The following C20orf203 variants were observed in gnomAD, a reference collection of about 807,000 sequenced individuals.
C20orf203 encodes the protein uncharacterized protein C20orf203.
C20orf203 carries 16 observed loss-of-function variants against 15.9 expected under a neutral mutation model. The ratio of observed to expected loss-of-function variants is 1.01; its 90% CI spans 0.68 to 1.53. The LOEUF (loss-of-function observed/expected upper bound fraction) is 1.53, where lower values mean the gene tolerates loss of function less well. Ranked by LOEUF, C20orf203 falls within the 40% of genes most tolerant of loss-of-function variation. The pLI is 0.00. For synonymous variants in C20orf203, 98 were observed against 97.2 expected (o/e 1.01, Z -0.05); for missense variants, 263 against 247.5 (o/e 1.06, Z -0.42).
chr20:32,667,783 G>C (rs1983069382), intron 1 of C20orf203, among the ~76,000 whole-genome samples: 1 of 152,150 alleles, frequency 6.6e-6, no homozygotes, highest in African/African-American at 2.4e-5. Flanking sequence ...CAATTCTCTT[G>C]CCTCAGGCTC....
chr20:32,648,628 G>A (rs57692267), intron 4 of C20orf203, among the ~76,000 whole-genome samples: 65,654 of 140,488 alleles, frequency 0.47, 15,457 homozygotes, highest in African/African-American at 0.56. Flanking sequence ...TTGTGTGTGT[G>A]TTTTTAGTAG....
chr20:32,646,041 G>GT (rs943492265), intron 4 of C20orf203, among the ~76,000 whole-genome samples: 3 of 152,120 alleles, frequency 2.0e-5, no homozygotes, highest in African/African-American at 7.2e-5. Flanking sequence ...CAAATTCTGT[G>GT]TAAGTTGTGT....
intron 5 of C20orf203, among the ~76,000 whole-genome samples, 174 bp downstream of exon 5, chr20:32,640,391 CA>C (rs1982248762): frequency 6.6e-6 from 1 of 152,076 alleles, no homozygotes; most frequent in Non-Finnish European, 1.5e-5. Flanking sequence ...TCACCATAAT[CA>C]ACTTTAGAGC....
rs545022979 is a variant in C20orf203 at position 32,663,110 on chromosome 20, G to A, written c.-264+10522C>T. On this transcript the variant is annotated intron_variant, in intron 1 of 5. Transcript: ENST00000608990. ...ATTATAGGCGCCCACCACCATGCCC[G>A]GCTAATTTTTTGTATTTGTAGTAGA... 2.7e-3 allele frequency among the ~76,000 whole-genome samples: 415 copies of A among 151,812 alleles called. 1 individual carries two copies. The highest frequency in any genetic ancestry group is 9.7e-3 in the African/African-American group (401 of 41,442).
At chr20:32,645,951 G>T (rs1982414616) in intron 4 of C20orf203, among the ~76,000 whole-genome samples, 1 of 152,100 alleles carries the variant, frequency 6.6e-6, no homozygotes, top group African/African-American at 2.4e-5. Context: ...TTCCTCACTG[G>T]GTCACTTGGG....
At chr20:32,666,155 T>TAAAAAAAAAAAAAAAAAAAAAAAATA (rs147487671) in intron 1 of C20orf203, among the ~76,000 whole-genome samples, 5 of 102,778 alleles carry the variant, frequency 4.9e-5, no homozygotes, top group Non-Finnish European at 7.5e-5. Flanking sequence ...ATAAATAAAG[T>TAAAAAAAAAAAAAAAAAAAAAAAATA]AAAAAAAAAA....
chr20:32,642,550 G>A (rs1982313615), intron 4 of C20orf203, among the ~76,000 whole-genome samples: 1 of 152,244 alleles, frequency 6.6e-6, no homozygotes, highest in Admixed American at 6.5e-5. Context: ...TGTCCTTGGT[G>A]GCAGTAATCT....
At position 32,650,459 on chromosome 20, in the gene C20orf203, GGAGA is replaced by G; in HGVS notation, c.554_557del (p.Leu185ProfsTer122). The stretch of plus-strand genomic sequence containing the variant: ...AATTAAACAGCGACCGTGATGAATT[GGAGA>G]GAAACTGCTGCTTGCTAATTAAAGG... On this transcript the variant is annotated frameshift_variant, in exon 4 of 6. Transcript: ENST00000608990. LOFTEE classifies it high-confidence loss of function. The G allele has an allele frequency of 8.4e-6, 13 of 1,550,526 alleles. No individual in the cohort carries two copies. Among genetic ancestry groups the G allele is most frequent in the Non-Finnish European group, 1.1e-5 (13 of 1,146,952 alleles).
intron 5 of C20orf203, among the ~76,000 whole-genome samples, chr20:32,636,051 C>G (rs765889357): frequency 6.6e-6 from 1 of 152,164 alleles, no homozygotes; most frequent in Non-Finnish European, 1.5e-5. Context: ...CCCAGGCCCC[C>G]CTCAGGGTCC....
chr20:32,650,819 C>T lies in C20orf203; in HGVS notation c.198G>A (p.Arg66=), dbSNP rs1300650018. Residue 66 remains arginine (R), a synonymous_variant, in exon 4 of 6, where the codon AGG becomes AGA. Transcript: ENST00000608990. ...HLWDLGGGAG[R]RTSKAQRVHP... is the part of the protein sequence containing the mutation. The stretch of plus-strand genomic sequence containing the variant: ...GGACTCGCTGAGCCTTTGAGGTCCT[C>T]CTTCCCGCCCCACCGCCAAGGTCCC... 31 of 1,477,562 alleles carry T rather than the reference C, an allele frequency of 2.1e-5. No individual in the cohort carries two copies. The highest frequency in any genetic ancestry group is 2.2e-5 in the Non-Finnish European group (25 of 1,112,058). The allele number at this position is 1,477,562 out of a possible 1,614,324, so 91.5% of individuals were successfully genotyped here.
At chr20:32,647,730 G>A (rs1982475826) in intron 4 of C20orf203, among the ~76,000 whole-genome samples, 1 of 152,114 alleles carries the variant, frequency 6.6e-6, no homozygotes, top group South Asian at 2.1e-4. Context: ...GAGAACTAAT[G>A]TGTGGAAAGC....
intron 1 of C20orf203, among the ~76,000 whole-genome samples, chr20:32,671,327 A>C (rs865904134): frequency 1.3e-5 from 2 of 152,222 alleles, no homozygotes; most frequent in Non-Finnish European, 2.9e-5. Context: ...TGGTGTGTAC[A>C]CACATTGGAA....
chr20:32,666,563 A>G (rs1042802707), intron 1 of C20orf203, among the ~76,000 whole-genome samples: 1 of 151,348 alleles, frequency 6.6e-6, no homozygotes, highest in African/African-American at 2.4e-5. Context: ...GGAGATCGAG[A>G]CCATCCTGGC....
At chr20:32,641,413 A>G (rs1034540474) in intron 4 of C20orf203, among the ~76,000 whole-genome samples, 10 of 152,010 alleles carry the variant, frequency 6.6e-5, no homozygotes, top group Non-Finnish European at 1.3e-4. Flanking sequence ...GCTGTTAGGA[A>G]TAACGCTGCT....
At chr20:32,637,352 G>A (rs1198934324) in intron 5 of C20orf203, among the ~76,000 whole-genome samples, 1 of 152,192 alleles carries the variant, frequency 6.6e-6, no homozygotes, top group East Asian at 1.9e-4. Flanking sequence ...AGAGGAGGTT[G>A]CAGGGAGCCA....
intron 4 of C20orf203, among the ~76,000 whole-genome samples, chr20:32,648,910 T>C (rs560602152): frequency 6.6e-6 from 1 of 152,318 alleles, no homozygotes; most frequent in Non-Finnish European, 1.5e-5. Context: ...GTGACATTGG[T>C]ACATTACACT....
Position 32,650,880 on chromosome 20 carries a change from G to A in C20orf203, c.137C>T (p.Ala46Val), listed in dbSNP as rs2145671888. The change falls in exon 4 of 6, where the codon GCC (alanine) becomes GTC (valine). Residue 46 changes from alanine to valine, a missense_variant and splice_region_variant. Transcript: ENST00000608990. Reference protein sequence around the residue: ...PFTKTGMLSRATSVLAGLTAH... With the variant: ...PFTKTGMLSRVTSVLAGLTAH... ...AGTGAGTCCAGCCAAGACTGATGTG[G>A]CCTGTTGGGAACAAGGCCCCCAAGA... 2.1e-6 allele frequency: 3 copies of A among 1,450,166 alleles called. No homozygotes were observed. The highest frequency in any genetic ancestry group is 5.0e-5 in the East Asian group (2 of 39,936). The allele number at this position is 1,450,166 out of a possible 1,614,324, so 89.8% of individuals were successfully genotyped here.
chr20:32,662,198 G>C (rs1982906228), intron 1 of C20orf203, among the ~76,000 whole-genome samples: 1 of 152,194 alleles, frequency 6.6e-6, no homozygotes, highest in Admixed American at 6.5e-5. Context: ...TGGTGGTATG[G>C]GGGTTTAGTC....
intron 1 of C20orf203, among the ~76,000 whole-genome samples, chr20:32,670,205 C>T (rs1194575614): frequency 7.0e-6 from 1 of 142,810 alleles, no homozygotes; most frequent in Non-Finnish European, 1.5e-5. Context: ...AGTGAAACTG[C>T]GTTTCAAAAA....
Sources: allele counts gnomAD v4.1 joint callset (sites outside exome capture counted in the v4.1 genomes callset), GRCh38; gene constraint gnomAD v4.1.1; transcripts MANE v1.5; gene names NCBI Gene and HGNC (gene_info 2026-07-23, HGNC 2026-07-21).